Variants in HPF1 observed in about 807,000 individuals in gnomAD.
The protein encoded by HPF1 is histone PARylation factor 1.
Under a neutral mutation model 38.8 loss-of-function variants are expected in HPF1, and 35 were observed. The ratio of observed to expected loss-of-function variants is 0.90; its 90% CI spans 0.69 to 1.19. The LOEUF (loss-of-function observed/expected upper bound fraction) is 1.19, where lower values mean the gene tolerates loss of function less well. Ranked by LOEUF, HPF1 falls within the 50% of genes most tolerant of loss-of-function variation. The pLI, the probability that HPF1 is intolerant of heterozygous loss-of-function variation, is 0.00. For missense variants in HPF1, 367 were observed against 405.8 expected, an observed-to-expected ratio of 0.90 and a Z score of 0.82; for synonymous variants, 115 against 139.2, an observed-to-expected ratio of 0.83 and a Z score of 1.22.
intron 7 of HPF1, 134 bp from the exon 8 acceptor site, chr4:169,729,843 A>G (rs1057254431): frequency 3.6e-5 from 21 of 585,816 alleles, no homozygotes; most frequent in African/African-American, 3.5e-4. Context: ...TCAGGTGGTT[A>G]GTGAACATAA....
intron 4 of HPF1, among the ~76,000 whole-genome samples, chr4:169,744,822 T>C (rs889550086): frequency 6.6e-6 from 1 of 151,472 alleles, no homozygotes; most frequent in East Asian, 1.9e-4. Context: ...AGTCACTCTT[T>C]TTTTTTTTTG....
chr4:169,745,205 C>T (rs1560889680), intron 4 of HPF1, among the ~76,000 whole-genome samples: 1 of 152,160 alleles, frequency 6.6e-6, no homozygotes, highest in Non-Finnish European at 1.5e-5. Context: ...TCGGAAGAGG[C>T]CTCGAGAGGC....
At chr4:169,748,466 G>A (rs1734076374) in intron 4 of HPF1, among the ~76,000 whole-genome samples, 1 of 151,968 alleles carries the variant, frequency 6.6e-6, no homozygotes, top group African/African-American at 2.4e-5. Flanking sequence ...CGCCTCCTGT[G>A]TTCAAGCAAT....
chr4:169,736,821 G>C (rs1030846215), intron 6 of HPF1, among the ~76,000 whole-genome samples: 5 of 152,170 alleles, frequency 3.3e-5, no homozygotes, highest in Non-Finnish European at 7.3e-5. Context: ...TTCACGATAA[G>C]GGAATGGAGA....
intron 1 of HPF1, 137 bp downstream of exon 1, chr4:169,757,693 G>T: frequency 2.3e-6 from 2 of 869,410 alleles, no homozygotes; most frequent in Non-Finnish European, 1.8e-6. Flanking sequence ...CCCTGGGCAG[G>T]ATCCCCGCAG....
At chr4:169,745,728 C>G (rs1455069715) in intron 4 of HPF1, among the ~76,000 whole-genome samples, 1 of 152,158 alleles carries the variant, frequency 6.6e-6, no homozygotes, top group Non-Finnish European at 1.5e-5. Context: ...AACTTGAACT[C>G]CTGGGCTCGA....
intron 4 of HPF1, among the ~76,000 whole-genome samples, chr4:169,743,434 T>C (rs1242090449): frequency 1.2e-5 from 1 of 81,110 alleles, no homozygotes; most frequent in African/African-American, 3.8e-5. Context: ...TTTTTTTTTT[T>C]CATTTTTAAA....
intron 6 of HPF1, among the ~76,000 whole-genome samples, chr4:169,733,895 A>G (rs933093790): frequency 1.1e-3 from 15 of 13,574 alleles, no homozygotes; most frequent in African/African-American, 1.6e-3. Context: ...ACCCTGTCTC[A>G]AAAAAAAAAA....
chr4:169,750,360 A>G (rs1249662259), intron 3 of HPF1, 176 bp downstream of exon 3: 2 of 431,674 alleles, frequency 4.6e-6, no homozygotes, highest in Non-Finnish European at 8.1e-6. Flanking sequence ...TTAAACCTAA[A>G]GAGTTTACCC....
At chr4:169,744,725 T>A (rs1324502529) in intron 4 of HPF1, among the ~76,000 whole-genome samples, 2 of 152,186 alleles carry the variant, frequency 1.3e-5, no homozygotes, top group Admixed American at 1.3e-4. Flanking sequence ...ATTTTATCAC[T>A]GACAAAAAAT....
Position 169,750,645 on chromosome 4 carries a change from A to AT in HPF1, c.288dup (p.Ser97IlefsTer7), listed in dbSNP as rs758546329. ...TGAAGGTTAAAATTCAGGCCTGTTG[A>AT]TTTTTTCTTCGTTTTATGTTTTCCA... On this transcript the variant is annotated frameshift_variant, in exon 3 of 8. Coordinates refer to ENST00000393381, the MANE Select transcript of HPF1 (RefSeq NM_017867.3). LOFTEE classifies it high-confidence loss of function. The AT allele has an allele frequency of 3.1e-6, 5 of 1,613,864 alleles. No individual in the cohort carries two copies. Among genetic ancestry groups the AT allele is most frequent in the South Asian group, 2.2e-5 (2 of 91,048 alleles).
chr4:169,731,319 GGAAAC>G (rs1420309584), intron 7 of HPF1, among the ~76,000 whole-genome samples: 2 of 152,072 alleles, frequency 1.3e-5, no homozygotes, highest in African/African-American at 4.8e-5. Context: ...CCACCACAAT[GGAAAC>G]GAAATGGAGC....
At chr4:169,731,152 C>T (rs1733822728) in intron 7 of HPF1, among the ~76,000 whole-genome samples, 2 of 152,210 alleles carry the variant, frequency 1.3e-5, no homozygotes, top group South Asian at 2.1e-4. Flanking sequence ...CTTTGATCTT[C>T]AGGCAACTAT....
chr4:169,738,668 A>G (rs1733927915), intron 5 of HPF1, among the ~76,000 whole-genome samples: 1 of 152,212 alleles, frequency 6.6e-6, no homozygotes, highest in Non-Finnish European at 1.5e-5. Context: ...AAGTTATCAG[A>G]CAACTGCTTA....
chr4:169,729,651 T>C lies in HPF1; in HGVS notation c.968A>G (p.Asn323Ser). The C allele has an allele frequency of 1.9e-6, 3 of 1,590,160 alleles. No homozygotes were observed. Among genetic ancestry groups the C allele is most frequent in the Non-Finnish European group, 2.6e-6 (3 of 1,170,154 alleles). ...LPLAYNLLKR[N>S]LFAEIIEEHL... ...CTCCTCAATAATTTCTGCAAACAGA[T>C]TCCTCTTCAACAGATTATATGCAAG... Residue 323 changes from asparagine to serine, a missense_variant, in exon 8 of 8, where the codon AAT becomes AGT. Transcript: ENST00000393381.
rs144054702 is a variant in HPF1, at chr4:169,746,578, C to T, written c.497+2166G>A. On this transcript the variant is annotated intron_variant, in intron 4 of 7. Coordinates refer to ENST00000393381, the MANE Select transcript of HPF1 (RefSeq NM_017867.3). ...GGCATTTCTTTAGTTACTATTAAAT[C>T]TTGCAGACACAAGATTTAATAATAA... Among the ~76,000 whole-genome samples the T allele has an allele frequency of 7.6e-3, 1,152 of 151,950 alleles. 20 individuals are homozygous for T. Among genetic ancestry groups the T allele is most frequent in the African/African-American group, 0.027 (1,101 of 41,476 alleles).
intron 3 of HPF1, among the ~76,000 whole-genome samples, chr4:169,749,079 G>A (rs1341349156): frequency 1.3e-5 from 2 of 151,410 alleles, no homozygotes; most frequent in African/African-American, 2.4e-5. Flanking sequence ...AAGCAACAAC[G>A]TAGATGTAAA....
At chr4:169,748,551 T>G (rs1174528111) in intron 4 of HPF1, among the ~76,000 whole-genome samples, 193 bp downstream of exon 4, 1 of 152,084 alleles carries the variant, frequency 6.6e-6, no homozygotes, top group Non-Finnish European at 1.5e-5. Context: ...TTTTGTATTT[T>G]TAGTAGAGAT....
chr4:169,755,059 T>TCC (rs147029791), intron 1 of HPF1, among the ~76,000 whole-genome samples: 9 of 118,646 alleles, frequency 7.6e-5, no homozygotes, highest in Middle Eastern at 4.1e-3. Flanking sequence ...ATGCTATCCC[T>TCC]CCCCCCGCCC....
Sources: allele counts gnomAD v4.1 joint callset (sites outside exome capture counted in the v4.1 genomes callset), GRCh38; gene constraint gnomAD v4.1.1; transcripts MANE v1.5; gene names NCBI Gene and HGNC (gene_info 2026-07-23, HGNC 2026-07-21).